CNTNAP2: variants seen among roughly 807,000 people sequenced by gnomAD.
The protein encoded by CNTNAP2 is contactin associated protein 2.
CNTNAP2 carries 98 observed loss-of-function variants against 155.2 expected under a neutral mutation model. The observed-to-expected ratio is 0.63, with a 90% CI of 0.54 to 0.75. CNTNAP2 has a LOEUF of 0.75. CNTNAP2 is among the 30% of genes least tolerant of loss of function. The pLI, the probability that CNTNAP2 is intolerant of heterozygous loss-of-function variation, is 0.00. For missense variants in CNTNAP2, 1,727 were observed against 1,688.1 expected (o/e 1.02, Z -0.40); for synonymous variants, 651 against 631.2 (o/e 1.03, Z -0.47).
intron 1 of CNTNAP2, among the ~76,000 whole-genome samples, chr7:146,579,960 C>T (rs976240133): frequency 2.6e-5 from 4 of 152,040 alleles, no homozygotes; most frequent in East Asian, 1.9e-4. Flanking sequence ...TGTAGAAGCT[C>T]ATGATTCTAC....
At chr7:147,226,835 C>G (rs1282572978) in intron 8 of CNTNAP2, among the ~76,000 whole-genome samples, 1 of 152,156 alleles carries the variant, frequency 6.6e-6, no homozygotes, top group East Asian at 1.9e-4. Context: ...AGAATTTATT[C>G]AAGTTTTATG....
chr7:147,266,073 A>T (rs1456485597), intron 8 of CNTNAP2, among the ~76,000 whole-genome samples: 2 of 152,238 alleles, frequency 1.3e-5, no homozygotes, highest in African/African-American at 4.8e-5. Context: ...AAAAGGCCAG[A>T]GTGCCTCTTC....
intron 12 of CNTNAP2, among the ~76,000 whole-genome samples, chr7:147,573,719 C>T (rs1247293020): frequency 6.6e-6 from 1 of 152,158 alleles, no homozygotes; most frequent in African/African-American, 2.4e-5. Flanking sequence ...AGTGTTTGCT[C>T]TCTATATCTG....
intron 9 of CNTNAP2, among the ~76,000 whole-genome samples, chr7:147,361,269 G>A (rs1796143750): frequency 6.6e-6 from 1 of 152,126 alleles, no homozygotes; most frequent in Admixed American, 6.5e-5. Context: ...AGTACCTTAA[G>A]CTAGCAGAGT....
chr7:148,155,272 G>A (rs1805376924), intron 17 of CNTNAP2, among the ~76,000 whole-genome samples: 1 of 152,212 alleles, frequency 6.6e-6, no homozygotes, highest in Non-Finnish European at 1.5e-5. Context: ...TCTTGTCAAA[G>A]CAAAAATTGC....
intron 2 of CNTNAP2, among the ~76,000 whole-genome samples, chr7:146,775,672 G>T (rs1802377941): frequency 6.6e-6 from 1 of 150,976 alleles, no homozygotes; most frequent in Non-Finnish European, 1.5e-5. Flanking sequence ...AGAAGAACAA[G>T]AAGAAGAAAA....
intron 3 of CNTNAP2, among the ~76,000 whole-genome samples, chr7:146,971,446 T>G (rs1162995160): frequency 6.6e-6 from 1 of 152,072 alleles, no homozygotes; most frequent in African/African-American, 2.4e-5. Flanking sequence ...CTGAGAAAAA[T>G]GCAGAGGAAA....
chr7:146,858,148 C>T lies in CNTNAP2; in HGVS notation c.402+18244C>T, dbSNP rs545540284. 5.1e-4 allele frequency among the ~76,000 whole-genome samples: 78 copies of T among 152,226 alleles called. 1 individual carries two copies. The highest frequency in any genetic ancestry group is 5.3e-4 in the Non-Finnish European group (36 of 68,016). On this transcript the variant is annotated intron_variant, in intron 3 of 23. Coordinates refer to ENST00000361727, the MANE Select transcript of CNTNAP2 (RefSeq NM_014141.6). ...TTCTGGAAAAATCTGCTAAGATCTA[C>T]GGTGGCAACTCAAGTCTGAGGAGGA...
chr7:146,567,964 TAA>T (rs1354758302), intron 1 of CNTNAP2, among the ~76,000 whole-genome samples: 1 of 152,164 alleles, frequency 6.6e-6, no homozygotes, highest in African/African-American at 2.4e-5. Context: ...TTTTATATAT[TAA>T]AGTGTTTTTC....
intron 13 of CNTNAP2, among the ~76,000 whole-genome samples, chr7:147,674,893 A>C (rs892230578): frequency 5.3e-5 from 8 of 151,658 alleles, no homozygotes; most frequent in Admixed American, 5.3e-4. Flanking sequence ...CTTTCTAAAA[A>C]TTATGCATGA....
intron 10 of CNTNAP2, among the ~76,000 whole-genome samples, chr7:147,422,070 AGT>A (rs891019939): frequency 2.8e-5 from 4 of 144,588 alleles, no homozygotes; most frequent in African/African-American, 5.1e-5. Flanking sequence ...ATGGCCTAAT[AGT>A]GTGTGTGTGT....
chr7:146,910,986 G>T (rs1370076387), intron 3 of CNTNAP2, among the ~76,000 whole-genome samples: 2 of 151,398 alleles, frequency 1.3e-5, no homozygotes, highest in Admixed American at 6.6e-5. Flanking sequence ...CCATCAAAAA[G>T]TGGGCGAAGG....
intron 4 of CNTNAP2, among the ~76,000 whole-genome samples, chr7:147,094,344 A>G (rs1800477676): frequency 6.6e-6 from 1 of 151,916 alleles, no homozygotes; most frequent in African/African-American, 2.4e-5. Flanking sequence ...AGTCCTCACC[A>G]GAATTACCCT....
At chr7:146,458,877 C>T (rs1487375434) in intron 1 of CNTNAP2, among the ~76,000 whole-genome samples, 1 of 152,114 alleles carries the variant, frequency 6.6e-6, no homozygotes, top group Non-Finnish European at 1.5e-5. Flanking sequence ...TTGCCACCCT[C>T]GATGATTGGC....
intron 15 of CNTNAP2, among the ~76,000 whole-genome samples, chr7:148,105,585 A>ATTTTTTTTTTTTTTTTTTTTT (rs1362608028): frequency 1.5e-5 from 2 of 134,070 alleles, no homozygotes; most frequent in Non-Finnish European, 1.5e-5. Context: ...TTTATTTTTT[A>ATTTTTTTTTTTTTTTTTTTTT]TTTTTTTTTT....
At chr7:146,737,277 T>G (rs1430983707) in intron 1 of CNTNAP2, among the ~76,000 whole-genome samples, 1 of 152,140 alleles carries the variant, frequency 6.6e-6, no homozygotes, top group African/African-American at 2.4e-5. Context: ...GTTATCTTTT[T>G]TGTAGTGAGA....
intron 9 of CNTNAP2, among the ~76,000 whole-genome samples, chr7:147,354,938 G>A: frequency 6.6e-6 from 1 of 152,018 alleles, no homozygotes; most frequent in East Asian, 1.9e-4. Context: ...CTCTCTGATT[G>A]TCTATTATTG....
chr7:146,189,715 G>A (rs1404431124), intron 1 of CNTNAP2, among the ~76,000 whole-genome samples: 2 of 152,124 alleles, frequency 1.3e-5, no homozygotes, highest in Admixed American at 1.3e-4. Flanking sequence ...CATTTTGCAG[G>A]TGCGACTGAG....
chr7:147,753,039 A>C (rs1487004477), intron 13 of CNTNAP2, among the ~76,000 whole-genome samples: 1 of 151,956 alleles, frequency 6.6e-6, no homozygotes, highest in Non-Finnish European at 1.5e-5. Flanking sequence ...CCTATTTTCT[A>C]CTCTCTTATA....
Sources: allele counts gnomAD v4.1 joint callset (sites outside exome capture counted in the v4.1 genomes callset), GRCh38; gene constraint gnomAD v4.1.1; transcripts MANE v1.5; gene names NCBI Gene and HGNC (gene_info 2026-07-23, HGNC 2026-07-21).